The following ZFPM2 variants were observed in gnomAD, a reference collection of about 807,000 sequenced individuals.
ZFPM2 encodes the protein zinc finger protein ZFPM2.
ZFPM2 carries 20 observed loss-of-function variants against 98.6 expected under a neutral mutation model. The ratio of observed to expected loss-of-function variants is 0.20; its 90% CI spans 0.14 to 0.29. The LOEUF (loss-of-function observed/expected upper bound fraction) is 0.29. ZFPM2 is among the 10% of genes least tolerant of loss of function. ZFPM2 has a pLI of 1.00. For synonymous variants in ZFPM2, 518 were observed against 502.7 expected (o/e 1.03, Z -0.41); for missense variants, 1,310 against 1,388.6 (o/e 0.94, Z 0.90).
chr8:105,716,975 C>G (rs992788855), intron 5 of ZFPM2, among the ~76,000 whole-genome samples: 1 of 152,050 alleles, frequency 6.6e-6, no homozygotes, highest in Non-Finnish European at 1.5e-5. Flanking sequence ...TTCCCTTCAT[C>G]TTACTGGCAC....
At chr8:105,476,917 G>A (rs915626062) in intron 3 of ZFPM2, among the ~76,000 whole-genome samples, 7 of 151,988 alleles carry the variant, frequency 4.6e-5, no homozygotes, top group East Asian at 1.9e-4. Context: ...AGGCTTTTTC[G>A]TATTCAATCC....
intron 3 of ZFPM2, among the ~76,000 whole-genome samples, chr8:105,527,084 A>G (rs1328948860): frequency 1.3e-5 from 2 of 152,160 alleles, no homozygotes; most frequent in Non-Finnish European, 1.5e-5. Flanking sequence ...GGACATAGAA[A>G]GTAGGGTGAA....
intron 4 of ZFPM2, among the ~76,000 whole-genome samples, chr8:105,580,063 A>G (rs1362643480): frequency 6.6e-6 from 1 of 152,264 alleles, no homozygotes; most frequent in East Asian, 1.9e-4. Context: ...TTCAGTATCT[A>G]TCTACTACTC....
chr8:105,656,905 T>C (rs560674903), intron 5 of ZFPM2, among the ~76,000 whole-genome samples: 13 of 152,300 alleles, frequency 8.5e-5, no homozygotes, highest in Admixed American at 5.9e-4. Flanking sequence ...AGTTTGGGAA[T>C]CAATGCCTGG....
intron 3 of ZFPM2, among the ~76,000 whole-genome samples, chr8:105,455,358 C>T (rs75788704): frequency 4.6e-5 from 7 of 151,902 alleles, no homozygotes; most frequent in African/African-American, 7.3e-5. Flanking sequence ...AACTGGGATT[C>T]GAATAACCTG....
chr8:105,502,594 A>G (rs1220893795), intron 3 of ZFPM2, among the ~76,000 whole-genome samples: 1 of 152,230 alleles, frequency 6.6e-6, no homozygotes, highest in African/African-American at 2.4e-5. Flanking sequence ...TCAATTTGCA[A>G]TCATCTAGAA....
chr8:105,518,500 A>G (rs753948972), intron 3 of ZFPM2, among the ~76,000 whole-genome samples: 2 of 152,204 alleles, frequency 1.3e-5, no homozygotes, highest in Non-Finnish European at 2.9e-5. Context: ...TCTCTCATGC[A>G]TGAAAAATTG....
intron 1 of ZFPM2, among the ~76,000 whole-genome samples, chr8:105,334,226 T>C (rs1342561801): frequency 6.6e-6 from 1 of 151,302 alleles, no homozygotes; most frequent in Non-Finnish European, 1.5e-5. Flanking sequence ...TTTTCAATTA[T>C]TTGTCTTCCC....
At chr8:105,627,890 T>C (rs1394213515) in intron 4 of ZFPM2, among the ~76,000 whole-genome samples, 1 of 152,206 alleles carries the variant, frequency 6.6e-6, no homozygotes, top group Admixed American at 6.5e-5. Context: ...AACTAACTGA[T>C]CAGTAGCCAT....
chr8:105,802,583 A>G lies in ZFPM2; in HGVS notation c.2501A>G (p.Lys834Arg), dbSNP rs113289249. 4.0e-4 allele frequency: 644 copies of G among 1,610,908 alleles called. 1 individual carries two copies. In the African/African-American group the frequency reaches 7.5e-3, roughly 19 times the overall value. ...LEMDVPIDLS[K>R]KCLSQSERTT... ...ATGGACGTGCCCATAGATCTCAGCAAAAAGTGTTTATCTCAGTCTGAGCGG... is the reference window on the plus strand; with the variant it reads ...ATGGACGTGCCCATAGATCTCAGCAGAAAGTGTTTATCTCAGTCTGAGCGG... The change falls in exon 8 of 8, where the codon AAA becomes AGA. Residue 834 changes from lysine (K) to arginine (R), a missense_variant. Coordinates refer to ENST00000407775, the MANE Select transcript of ZFPM2 (RefSeq NM_012082.4).
intron 3 of ZFPM2, among the ~76,000 whole-genome samples, chr8:105,535,762 G>C (rs1436108457): frequency 6.6e-6 from 1 of 152,138 alleles, no homozygotes; most frequent in Non-Finnish European, 1.5e-5. Flanking sequence ...TCTTCTTTCT[G>C]ATTAGAGTCA....
At chr8:105,477,657 C>T (rs1465610481) in intron 3 of ZFPM2, among the ~76,000 whole-genome samples, 7 of 151,990 alleles carry the variant, frequency 4.6e-5, no homozygotes, top group Non-Finnish European at 7.4e-5. Flanking sequence ...TAGAATAATA[C>T]CTAATGATTT....
intron 2 of ZFPM2, among the ~76,000 whole-genome samples, chr8:105,437,434 A>C (rs935399423): frequency 6.6e-6 from 1 of 152,188 alleles, no homozygotes; most frequent in Non-Finnish European, 1.5e-5. Context: ...TTTTAATCAT[A>C]TGAAACTACT....
chr8:105,430,281 C>T (rs771912019), intron 2 of ZFPM2, among the ~76,000 whole-genome samples: 15 of 152,074 alleles, frequency 9.9e-5, no homozygotes, highest in Non-Finnish European at 1.0e-4. Flanking sequence ...AGCTTTGGTC[C>T]CCACCAAGCC....
chr8:105,535,574 A>T (rs1451452783), intron 3 of ZFPM2, among the ~76,000 whole-genome samples: 1 of 152,186 alleles, frequency 6.6e-6, no homozygotes, highest in East Asian at 1.9e-4. Flanking sequence ...CTGGAAAATA[A>T]TCCTTTGCTT....
intron 3 of ZFPM2, among the ~76,000 whole-genome samples, chr8:105,556,669 C>A (rs1272276990): frequency 6.7e-6 from 1 of 150,252 alleles, no homozygotes; most frequent in African/African-American, 2.5e-5. Context: ...TCCAGTTCTT[C>A]CCTTCCCCCT....
chr8:105,639,306 T>C (rs1816905998), intron 5 of ZFPM2, among the ~76,000 whole-genome samples: 1 of 152,098 alleles, frequency 6.6e-6, no homozygotes, highest in African/African-American at 2.4e-5. Context: ...CTTTAGCATC[T>C]TTCATGTGGG....
At chr8:105,404,559 T>C (rs1802519981) in intron 1 of ZFPM2, among the ~76,000 whole-genome samples, 1 of 152,076 alleles carries the variant, frequency 6.6e-6, no homozygotes, top group African/African-American at 2.4e-5. Context: ...TTAAGTACTT[T>C]TACCAAATTT....
intron 6 of ZFPM2, among the ~76,000 whole-genome samples, chr8:105,792,819 C>T (rs1348201842): frequency 6.6e-6 from 1 of 152,104 alleles, no homozygotes; most frequent in African/African-American, 2.4e-5. Flanking sequence ...TTGTTGAATT[C>T]ATCCCTTTAC....
Sources: allele counts gnomAD v4.1 joint callset (sites outside exome capture counted in the v4.1 genomes callset), GRCh38; gene constraint gnomAD v4.1.1; transcripts MANE v1.5; gene names NCBI Gene and HGNC (gene_info 2026-07-23, HGNC 2026-07-21).